Variants in CCDC60 observed in about 807,000 individuals in gnomAD.
CCDC60 encodes coiled-coil domain-containing protein 60.
CCDC60 carries 54 observed loss-of-function variants against 63.5 expected under a neutral mutation model. That is an observed-to-expected ratio of 0.85 (90% CI 0.68 to 1.07). The LOEUF (loss-of-function observed/expected upper bound fraction) is 1.07, where lower values mean the gene tolerates loss of function less well. Among genes scored for constraint, CCDC60 ranks in the 50% least tolerant of loss-of-function variants. The pLI is 0.00. For missense variants in CCDC60, 651 were observed against 684.3 expected (o/e 0.95, Z 0.54); for synonymous variants, 206 against 238.8 (o/e 0.86, Z 1.27).
intron 4 of CCDC60, among the ~76,000 whole-genome samples, chr12:119,480,848 C>T (rs1337434450): frequency 7.0e-6 from 1 of 143,520 alleles, no homozygotes; most frequent in Admixed American, 7.0e-5. Context: ...ATCCTCACCA[C>T]CATCATCACT....
chr12:119,493,873 A>G (rs1416912457), intron 5 of CCDC60, among the ~76,000 whole-genome samples: 2 of 152,184 alleles, frequency 1.3e-5, no homozygotes, highest in African/African-American at 2.4e-5. Context: ...CATTTTAAAA[A>G]GGAAATATGA....
chr12:119,483,046 A>C (rs1460855701), intron 4 of CCDC60, among the ~76,000 whole-genome samples: 1 of 152,040 alleles, frequency 6.6e-6, no homozygotes, highest in East Asian at 1.9e-4. Context: ...TGATTATTGC[A>C]TTTTCCATCT....
intron 1 of CCDC60, 129 bp from the exon 2 acceptor site, chr12:119,428,554 C>G: frequency 1.6e-6 from 1 of 618,216 alleles, no homozygotes; most frequent in African/African-American, 1.8e-5. Context: ...AAGGTAGACT[C>G]TGTGCTGCCC....
At chr12:119,413,187 T>C (rs893046163) in intron 1 of CCDC60, among the ~76,000 whole-genome samples, 4 of 152,176 alleles carry the variant, frequency 2.6e-5, no homozygotes, top group Admixed American at 1.3e-4. Context: ...ATTTGATTAA[T>C]TTTTTTAACT....
chr12:119,531,127 T>C (rs1952829669), intron 13 of CCDC60, 64 bp downstream of exon 13: 5 of 1,411,792 alleles, frequency 3.5e-6, no homozygotes, highest in Non-Finnish European at 4.9e-6. Context: ...CCTCTCAACA[T>C]TCAGGCACTG....
chr12:119,455,999 AAG>A (rs373013537), intron 2 of CCDC60, among the ~76,000 whole-genome samples: 28,897 of 91,256 alleles, frequency 0.32, 4,770 homozygotes, highest in East Asian at 0.42. Flanking sequence ...GAGAGAGAGA[AAG>A]AGAAAGAAAG....
At position 119,522,847 on chromosome 12, in the gene CCDC60, C is replaced by T. The variant is rs1479358633; in HGVS notation, c.1041-92C>T. The stretch of plus-strand genomic sequence containing the variant: ...TAGAACCACCTCCCATGCCTGAATC[C>T]TGGAAGCTAGCAGGTGCCATGGAGC... On this transcript the variant is annotated intron_variant, in intron 9 of 13. Transcript: ENST00000327554. The T allele has an allele frequency of 5.4e-6, 6 of 1,109,140 alleles. No individual in the cohort carries two copies. In the Admixed American group the frequency reaches 1.0e-4, roughly 19 times the overall value. 68.7% of individuals were successfully genotyped at this position (1,109,140 alleles called of 1,614,324 possible). A position where few individuals can be genotyped will look rare whatever the true frequency, so the allele number is the denominator to read the frequency against.
Position 119,428,778 on chromosome 12 carries a change from A to C in CCDC60, c.170+16A>C, listed in dbSNP as rs376611103. ...TACGAAGCCGGTGAGTGAGCCCAGC[A>C]GGGAATGATCCATAGACAACCCAAC... On this transcript the variant is annotated intron_variant, in intron 2 of 13. Transcript: ENST00000327554. 2.3e-4 allele frequency: 358 copies of C among 1,547,662 alleles called. 1 individual carries two copies. The highest frequency in any genetic ancestry group is 5.0e-4 in the Middle Eastern group (3 of 5,962).
rs188413610 is a variant in CCDC60 at position 119,486,530 on chromosome 12, A to C, written c.450-2229A>C. 5.3e-5 allele frequency among the ~76,000 whole-genome samples: 8 copies of C among 152,236 alleles called. No homozygotes were observed. The East Asian group carries it at 1.4e-3, about 26-fold the overall frequency. Reference sequence around the variant, plus strand: ...CTCTTAAACAAATGTTTTATTTAATAAAAAAAATTGAAAAAGCTGTGGGCT... The same window carrying C: ...CTCTTAAACAAATGTTTTATTTAATCAAAAAAATTGAAAAAGCTGTGGGCT... On this transcript the variant is annotated intron_variant, in intron 4 of 13. Coordinates refer to ENST00000327554, the MANE Select transcript of CCDC60 (RefSeq NM_178499.5).
Position 119,375,303 on chromosome 12 carries a change from A to G in CCDC60, c.90+40037A>G, listed in dbSNP as rs1032158437. On this transcript the variant is annotated intron_variant, in intron 1 of 13. Transcript: ENST00000327554. ...AAGCAAGCAAAAAACCCTAATTTGC[A>G]ATGTTTGTTTGCCAGTTTCCATGGT... Among the ~76,000 whole-genome samples the G allele has an allele frequency of 3.9e-5, 6 of 152,356 alleles. No homozygotes were observed. The East Asian group carries it at 5.8e-4, about 15-fold the overall frequency.
At chr12:119,519,002 GA>G (rs1286196908) in intron 8 of CCDC60, among the ~76,000 whole-genome samples, 1 of 152,090 alleles carries the variant, frequency 6.6e-6, no homozygotes, top group Non-Finnish European at 1.5e-5. Flanking sequence ...ATTCCTCTGG[GA>G]AAAAAATCTC....
At chr12:119,449,054 C>A (rs1950587807) in intron 2 of CCDC60, among the ~76,000 whole-genome samples, 1 of 152,128 alleles carries the variant, frequency 6.6e-6, no homozygotes, top group East Asian at 1.9e-4. Flanking sequence ...CACTGTGTTT[C>A]CAAGGTATGG....
intron 3 of CCDC60, among the ~76,000 whole-genome samples, 181 bp from the exon 4 acceptor site, chr12:119,478,913 G>T (rs963570211): frequency 6.6e-6 from 1 of 152,102 alleles, no homozygotes; most frequent in Non-Finnish European, 1.5e-5. Flanking sequence ...CCGAGGGCAG[G>T]GACTTTTATA....
At chr12:119,512,857 TTTC>T (rs1170073155) in intron 7 of CCDC60, among the ~76,000 whole-genome samples, 5 of 152,210 alleles carry the variant, frequency 3.3e-5, no homozygotes. Flanking sequence ...CTGTCATAGT[TTTC>T]TTCTTAGTTC....
At chr12:119,414,541 GTTT>G (rs1163394804) in intron 1 of CCDC60, among the ~76,000 whole-genome samples, 2 of 151,922 alleles carry the variant, frequency 1.3e-5, no homozygotes, top group Non-Finnish European at 2.9e-5. Flanking sequence ...TTTGGTTTTT[GTTT>G]TTATTTCATT....
At chr12:119,351,135 C>A (rs1955652316) in intron 1 of CCDC60, among the ~76,000 whole-genome samples, 1 of 152,182 alleles carries the variant, frequency 6.6e-6, no homozygotes, top group Non-Finnish European at 1.5e-5. Context: ...AAGGATAAAG[C>A]ATCCTCTTCC....
intron 1 of CCDC60, among the ~76,000 whole-genome samples, chr12:119,424,509 C>G (rs1956867499): frequency 6.6e-6 from 1 of 152,206 alleles, no homozygotes; most frequent in Admixed American, 6.5e-5. Context: ...ATCCTGGCGA[C>G]ATAATTTCCT....
intron 5 of CCDC60, among the ~76,000 whole-genome samples, chr12:119,494,863 C>T (rs960108217): frequency 3.3e-5 from 5 of 152,156 alleles, no homozygotes; most frequent in African/African-American, 1.2e-4. Context: ...GCCTATAATC[C>T]CAGCTACTTG....
In CCDC60 at chr12:119,414,750, C is replaced by A. The variant is rs115449034; in HGVS notation, c.91-13933C>A. ...GTTTTTTGTAGAGAGAGAGGTCTCA[C>A]TATGTTGCCCAGGCTGGTCTCAAAC... On this transcript the variant is annotated intron_variant, in intron 1 of 13. Coordinates refer to ENST00000327554, the MANE Select transcript of CCDC60 (RefSeq NM_178499.5). Among the ~76,000 whole-genome samples the A allele has an allele frequency of 4.3e-3, 655 of 152,218 alleles. 3 individuals are homozygous for A. The highest frequency in any genetic ancestry group is 0.014 in the African/African-American group (591 of 41,522).
Sources: allele counts gnomAD v4.1 joint callset (sites outside exome capture counted in the v4.1 genomes callset), GRCh38; gene constraint gnomAD v4.1.1; transcripts MANE v1.5; gene names NCBI Gene and HGNC (gene_info 2026-07-23, HGNC 2026-07-21).